The following ALYREF variants were observed in gnomAD, a reference collection of about 807,000 sequenced individuals.
ALYREF encodes THO complex subunit 4.
ALYREF carries 1 observed loss-of-function variant against 25.2 expected under a neutral mutation model. The observed-to-expected ratio is 0.04, with a 90% confidence interval of 0.01 to 0.19. ALYREF has a LOEUF of 0.19. ALYREF is among the 10% of genes least tolerant of loss of function. The pLI is 1.00. For missense variants in ALYREF, 328 were observed against 375.6 expected, an observed-to-expected ratio of 0.87 and a Z score of 1.05; for synonymous variants, 193 against 153.5, an observed-to-expected ratio of 1.26 and a Z score of -1.90.
Position 81,888,639 on chromosome 17 carries a change from A to AGT in ALYREF, c.539-57_539-56insAC. 1 of 1,551,636 alleles carries AGT rather than the reference A, an allele frequency of 6.4e-7. No homozygotes were observed. Among genetic ancestry groups the AGT allele is most frequent in the Non-Finnish European group, 8.7e-7 (1 of 1,145,294 alleles). ...TATTGAGAGGCTCTGAAACCCACCC[A>AGT]GCTGGCGCCACACCCTGGTCTCCAT... On this transcript the variant is annotated intron_variant, in intron 3 of 5. Transcript: ENST00000505490. This position sits in a 1 kb window ranked among gnomAD's most constrained non-coding sequence, Gnocchi z 5.8.
intron 2 of ALYREF, 98 bp downstream of exon 2, chr17:81,890,591 C>T (rs2039501851): frequency 2.8e-5 from 43 of 1,545,546 alleles, no homozygotes; most frequent in Non-Finnish European, 3.7e-5. Flanking sequence ...GGAGGGCTCC[C>T]TTCGCTAAGG....
At chr17:81,891,113 A>G in intron 1 of ALYREF, 1 of 643,754 alleles carries the variant, frequency 1.6e-6, no homozygotes, top group Non-Finnish European at 2.5e-6. Flanking sequence ...AGAGCTGGGA[A>G]GGGTCTCAGC....
rs1394678809 is a variant in ALYREF, at chr17:81,891,467, C to CCGGCCG, written c.108_113dup (p.Gly37_Arg38dup). On this transcript the variant is annotated inframe_insertion, in exon 1 of 6. Coordinates refer to ENST00000505490, the MANE Select transcript of ALYREF (RefSeq NM_005782.4). ...CGCCGCGGCCGCCCTGGGAGCCGGC[C>CCGGCCG]CGGCCGCGGCCCCGGCCCCCGCCCC... The CCGGCCG allele has an allele frequency of 8.9e-7, 1 of 1,117,384 alleles. No individual in the cohort carries two copies. Among genetic ancestry groups the CCGGCCG allele is most frequent in the Non-Finnish European group, 1.1e-6 (1 of 907,802 alleles). 69.2% of individuals were successfully genotyped at this position (1,117,384 alleles called of 1,614,324 possible).
Position 81,888,922 on chromosome 17 carries a change from G to A in ALYREF, c.538+260C>T, listed in dbSNP as rs1418942932. ...CCCGCACTCAGAGGTGTACTATGGC[G>A]GTTCTGAGAAGGCTTCACAGAAGTG... On this transcript the variant is annotated intron_variant, in intron 3 of 5. Transcript: ENST00000505490. The surrounding 1 kb of genome is among the most constrained non-coding windows in gnomAD (Gnocchi z 5.8). 5.7e-6 allele frequency: 8 copies of A among 1,411,074 alleles called. No homozygotes were observed. Among genetic ancestry groups the A allele is most frequent in the African/African-American group, 1.4e-5 (1 of 69,368 alleles). 87.4% of individuals were successfully genotyped at this position (1,411,074 alleles called of 1,614,324 possible).
At chr17:81,890,987 A>G in intron 1 of ALYREF, 167 bp from the exon 2 acceptor site, 1 of 1,035,446 alleles carries the variant, frequency 9.7e-7, no homozygotes, top group South Asian at 1.6e-5. Flanking sequence ...CCGAGGCCGC[A>G]CGGTCCCACC....
At position 81,888,106 on chromosome 17, in the gene ALYREF, TCCG is replaced by T. The variant is rs1567861528; in HGVS notation, c.*22_*24del. On this transcript the variant is annotated 3_prime_UTR_variant, in exon 6 of 6. Transcript: ENST00000505490. The surrounding 1 kb of genome is among the most constrained non-coding windows in gnomAD (Gnocchi z 5.8). ...GCAAGAGGAGACGCCTGGGTCCTGTTCCGCACGCGGATTTGCTGGTCTGTTTAA... is the reference window on the plus strand; with the variant it reads ...GCAAGAGGAGACGCCTGGGTCCTGTTCACGCGGATTTGCTGGTCTGTTTAA... The T allele has an allele frequency of 1.9e-6, 3 of 1,613,754 alleles. No individual in the cohort carries two copies. Among genetic ancestry groups the T allele is most frequent in the Non-Finnish European group, 2.5e-6 (3 of 1,180,014 alleles).
Position 81,888,776 on chromosome 17 carries a change from C to T in ALYREF, c.539-193G>A. 1.2e-5 allele frequency: 17 copies of T among 1,444,904 alleles called. No homozygotes were observed. The highest frequency in any genetic ancestry group is 2.5e-5 in the East Asian group (1 of 39,902). 89.5% of individuals were successfully genotyped at this position (1,444,904 alleles called of 1,614,324 possible). A position where few individuals can be genotyped will look rare whatever the true frequency, so the allele number is the denominator to read the frequency against. On this transcript the variant is annotated intron_variant, in intron 3 of 5. Coordinates refer to ENST00000505490, the MANE Select transcript of ALYREF (RefSeq NM_005782.4). The surrounding 1 kb of genome is among the most constrained non-coding windows in gnomAD (Gnocchi z 5.8). The stretch of plus-strand genomic sequence containing the variant: ...AAGGAAGCAACCCCACCAACACCTC[C>T]TCACTCCTTCTCAGTCCAGACTAGG...
At chr17:81,889,055 G>C in intron 3 of ALYREF, 127 bp downstream of exon 3, 1 of 1,474,096 alleles carries the variant, frequency 6.8e-7, no homozygotes, top group Non-Finnish European at 9.0e-7. Flanking sequence ...GCAGATGGAA[G>C]AGAGAGACAA....
rs747033377 is a variant in ALYREF at position 81,888,169 on chromosome 17, C to T, written c.781-24G>A. On this transcript the variant is annotated intron_variant, in intron 5 of 5. Transcript: ENST00000505490. This position sits in a 1 kb window ranked among gnomAD's most constrained non-coding sequence, Gnocchi z 5.8. ...ATCTGAAACACAGAGGAGAAAGAGG[C>T]TTGCATTCACAGGCGGCCTGCTCCC... 33 of 1,614,140 alleles carry T rather than the reference C, an allele frequency of 2.0e-5. 1 individual carries two copies. Among genetic ancestry groups the T allele is most frequent in the Non-Finnish European group, 2.7e-5 (32 of 1,180,024 alleles).
At position 81,888,306 on chromosome 17, in the gene ALYREF, T is replaced by C. The variant is rs2039459306; in HGVS notation, c.715A>G (p.Arg239Gly). Reference sequence around the variant, plus strand: ...GCCGAAAGCTGCTGCTTTGAATTCCTGCCGGCACCTCTGCCTCTTCCACGG... The same window carrying C: ...GCCGAAAGCTGCTGCTTTGAATTCCCGCCGGCACCTCTGCCTCTTCCACGG... ...GARGRGRGAG[R>G]NSKQQLSAEE... Residue 239 changes from arginine (R) to glycine (G), a missense_variant, in exon 5 of 6, where the codon AGG (arginine) becomes GGG (glycine). Coordinates refer to ENST00000505490, the MANE Select transcript of ALYREF (RefSeq NM_005782.4). This position sits in a 1 kb window ranked among gnomAD's most constrained non-coding sequence, Gnocchi z 5.8. 1 of 1,607,752 alleles carries C rather than the reference T, an allele frequency of 6.2e-7. No homozygotes were observed. Among genetic ancestry groups the C allele is most frequent in the African/African-American group, 1.3e-5 (1 of 74,928 alleles).
Position 81,888,300 on chromosome 17 carries a change from A to C in ALYREF, c.721T>G (p.Ser241Ala). The C allele has an allele frequency of 1.2e-6, 2 of 1,608,052 alleles. No individual in the cohort carries two copies. The highest frequency in any genetic ancestry group is 1.7e-6 in the Non-Finnish European group (2 of 1,178,856). Residue 241 changes from serine (S) to alanine (A), a missense_variant, in exon 5 of 6, where the codon TCA (serine) becomes GCA (alanine). Ser to Ala is a moderately conservative substitution (Grantham distance 99). Coordinates refer to ENST00000505490, the MANE Select transcript of ALYREF (RefSeq NM_005782.4). This position sits in a 1 kb window ranked among gnomAD's most constrained non-coding sequence, Gnocchi z 5.8. ...TCCTCTGCCGAAAGCTGCTGCTTTG[A>C]ATTCCTGCCGGCACCTCTGCCTCTT... ...RGRGRGAGRN[S>A]KQQLSAEELD...
chr17:81,890,662 G>C (rs374642633), intron 2 of ALYREF, 27 bp downstream of exon 2: 1 of 1,609,932 alleles, frequency 6.2e-7, no homozygotes, highest in South Asian at 1.1e-5. Context: ...AGGGCGAACG[G>C]CTCACCGAGA....
chr17:81,890,931 G>A (rs1377503037), intron 1 of ALYREF, 111 bp from the exon 2 acceptor site: 3 of 1,499,060 alleles, frequency 2.0e-6, no homozygotes, highest in Non-Finnish European at 2.7e-6. Flanking sequence ...GGATCCGGCC[G>A]AAACGGGGCC....
At position 81,891,507 on chromosome 17, in the gene ALYREF, C is replaced by T. The variant is rs1191152795; in HGVS notation, c.74G>A (p.Ser25Asn). The T allele has an allele frequency of 7.5e-7, 1 of 1,332,504 alleles. No individual in the cohort carries two copies. The highest frequency in any genetic ancestry group is 9.7e-7 in the Non-Finnish European group (1 of 1,028,162). The allele number at this position is 1,332,504 out of a possible 1,614,324, so 82.5% of individuals were successfully genotyped here. A position where few individuals can be genotyped will look rare whatever the true frequency, so the allele number is the denominator to read the frequency against. The part of the protein sequence containing the change: ...SLDDIIKLNR[S>N]QRGGRGGGRG... Reference sequence around the variant, plus strand: ...GCCCCCGCCCCGGCCGCCTCGCTGGCTCCGGTTCAGTTTAATGATGTCGTC... The same window carrying T: ...GCCCCCGCCCCGGCCGCCTCGCTGGTTCCGGTTCAGTTTAATGATGTCGTC... The change falls in exon 1 of 6, where the codon AGC (serine) becomes AAC (asparagine). Residue 25 changes from serine (S) to asparagine (N), a missense_variant. Ser to Asn is a conservative substitution (Grantham distance 46). Transcript: ENST00000505490.
rs1466240498 is a variant in ALYREF at position 81,890,673 on chromosome 17, A to G, written c.390+16T>C. On this transcript the variant is annotated intron_variant, in intron 2 of 5. Transcript: ENST00000505490. The stretch of plus-strand genomic sequence containing the variant: ...GTGCAGGGCGAACGGCTCACCGAGA[A>G]GCCCTCGTCTCTTACCTGAATATCG... The G allele has an allele frequency of 1.2e-6, 2 of 1,612,386 alleles. No homozygotes were observed. Among genetic ancestry groups the G allele is most frequent in the Non-Finnish European group, 1.7e-6 (2 of 1,179,862 alleles).
chr17:81,891,568 C>A lies in ALYREF; in HGVS notation c.13G>T (p.Ala5Ser). The change falls in exon 1 of 6, where the codon GCG becomes TCG. Residue 5 changes from alanine (A) to serine (S), a missense_variant. Ala to Ser is a moderately conservative substitution (Grantham distance 99). Around this residue, in one of 3 missense-constraint regions of ALYREF, gnomAD observed 150 missense variants for 135.3 expected, o/e 1.11. Transcript: ENST00000505490. MPDS[A>S]PAMADKMDMS... ...TCCATTTTGTCGGCCATGGCGGGCG[C>A]GGAATCGGGCATCGGCTCGAGCCCG... 1 of 1,437,842 alleles carries A rather than the reference C, an allele frequency of 7.0e-7. No individual in the cohort carries two copies. Among genetic ancestry groups the A allele is most frequent in the Non-Finnish European group, 9.1e-7 (1 of 1,094,542 alleles). The allele number at this position is 1,437,842 out of a possible 1,614,324, so 89.1% of individuals were successfully genotyped here. A position where few individuals can be genotyped will look rare whatever the true frequency, so the allele number is the denominator to read the frequency against.
Position 81,888,183 on chromosome 17 carries a change from C to T in ALYREF, c.781-38G>A, listed in dbSNP as rs1474359925. The T allele has an allele frequency of 4.3e-6, 7 of 1,613,958 alleles. No homozygotes were observed. Among genetic ancestry groups the T allele is most frequent in the African/African-American group, 1.3e-5 (1 of 74,902 alleles). ...GGAGAAAGAGGCTTGCATTCACAGG[C>T]GGCCTGCTCCCCACTGCGGCTTTGA... On this transcript the variant is annotated intron_variant, in intron 5 of 5. Coordinates refer to ENST00000505490, the MANE Select transcript of ALYREF (RefSeq NM_005782.4). The surrounding 1 kb of genome is among the most constrained non-coding windows in gnomAD (Gnocchi z 5.8).
chr17:81,890,615 CAG>C (rs1259146404), intron 2 of ALYREF, 72 bp downstream of exon 2: 7 of 1,581,776 alleles, frequency 4.4e-6, no homozygotes, highest in South Asian at 1.1e-5. Flanking sequence ...GAAGGGGACT[CAG>C]GGCCACATCC....
rs771252993 is a variant in ALYREF at position 81,890,704 on chromosome 17, T to G, written c.375A>C (p.Ser125=). The part of the protein sequence containing the change: ...LLVSNLDFGV[S]DADIQELFAE... Reference sequence around the variant, plus strand: ...CGTCTCTTACCTGAATATCGGCGTCTGAGACTCCAAAATCCAGATTGGACA... The same window carrying G: ...CGTCTCTTACCTGAATATCGGCGTCGGAGACTCCAAAATCCAGATTGGACA... The change falls in exon 2 of 6, where the codon TCA becomes TCC. Residue 125 remains serine, a synonymous_variant. Coordinates refer to ENST00000505490, the MANE Select transcript of ALYREF (RefSeq NM_005782.4). 9 of 1,613,486 alleles carry G rather than the reference T, an allele frequency of 5.6e-6. No individual in the cohort carries two copies. The highest frequency in any genetic ancestry group is 7.6e-6 in the Non-Finnish European group (9 of 1,179,914).
Sources: gnomAD v4.1 joint callset for allele counts on GRCh38, gnomAD v4.1.1 for gene constraint, gnomAD v4.1.1 regional missense constraint, Gnocchi (gnomAD v3.1) non-coding constraint, MANE v1.5 for transcripts, NCBI Gene and HGNC (gene_info 2026-07-23, HGNC 2026-07-21) for gene names.